Variants in VPS37A observed in about 807,000 individuals in gnomAD.
VPS37A encodes vacuolar protein sorting-associated protein 37A.
In VPS37A, 30 loss-of-function variants were observed where a neutral mutation model predicts 49.8. That is an observed-to-expected ratio of 0.60 (90% CI 0.45 to 0.82). VPS37A has a LOEUF of 0.82. Ranked by LOEUF, VPS37A falls within the 40% of genes least tolerant of loss-of-function variation. The pLI is 0.00. For synonymous variants in VPS37A, 195 were observed against 160.6 expected (o/e 1.21, Z -1.62); for missense variants, 593 against 464.4 (o/e 1.28, Z -2.55).
chr8:17,286,065 C>T (rs936725078), intron 10 of VPS37A, among the ~76,000 whole-genome samples: 1 of 152,106 alleles, frequency 6.6e-6, no homozygotes, highest in African/African-American at 2.4e-5. Context: ...GAGAAGGGAG[C>T]ATGAGAGGTT....
At chr8:17,254,247 G>A (rs1812230200) in intron 1 of VPS37A, among the ~76,000 whole-genome samples, 1 of 152,134 alleles carries the variant, frequency 6.6e-6, no homozygotes, top group South Asian at 2.1e-4. Flanking sequence ...CTTAGGTAGG[G>A]CAAGTTGATA....
chr8:17,266,133 C>T (rs902344788), intron 2 of VPS37A, 152 bp downstream of exon 2: 28 of 704,964 alleles, frequency 4.0e-5, no homozygotes, highest in African/African-American at 2.5e-4. Context: ...TAAAAATATT[C>T]GAAAGCTATC....
At chr8:17,268,765 G>A (rs889664172) in intron 3 of VPS37A, 91 bp from the exon 4 acceptor site, 3 of 867,130 alleles carry the variant, frequency 3.5e-6, no homozygotes, top group African/African-American at 1.7e-5. Context: ...ACCTGCAAAA[G>A]TAAGTTAATA....
chr8:17,303,034 C>CA (rs1817231918), downstream of VPS37A, among the ~76,000 whole-genome samples: 1 of 151,936 alleles, frequency 6.6e-6, no homozygotes, highest in African/African-American at 2.4e-5. Flanking sequence ...TTATCCTACA[C>CA]AAAAAAGCAA....
At chr8:17,290,330 C>T (rs968362228) in intron 11 of VPS37A, among the ~76,000 whole-genome samples, 1 of 152,126 alleles carries the variant, frequency 6.6e-6, no homozygotes, top group Non-Finnish European at 1.5e-5. Flanking sequence ...TCATAAATAG[C>T]TCTTATTATT....
In VPS37A at chr8:17,281,581, A is replaced by G. The variant is rs572655723; in HGVS notation, c.969+1138A>G. 5.3e-5 allele frequency among the ~76,000 whole-genome samples: 8 copies of G among 152,170 alleles called. 1 individual carries two copies. In the South Asian group the frequency reaches 1.7e-3, roughly 32 times the overall value. ...TTCTAGGATCCCATTAATGTTAGGA[A>G]TAAGAGAGTAATGCCTCATGATCAC... On this transcript the variant is annotated intron_variant, in intron 9 of 11. Coordinates refer to ENST00000324849, the MANE Select transcript of VPS37A (RefSeq NM_152415.3).
At chr8:17,323,903 A>G in the VPS37A span, among the ~76,000 whole-genome samples, 1 of 152,216 alleles carries the variant, frequency 6.6e-6, no homozygotes, top group Non-Finnish European at 1.5e-5. Context: ...ATCTTGGTTA[A>G]CAGAACAATA....
chr8:17,255,403 C>A (rs1029554093), intron 1 of VPS37A, among the ~76,000 whole-genome samples: 2 of 152,084 alleles, frequency 1.3e-5, no homozygotes, highest in African/African-American at 4.8e-5. Flanking sequence ...ATCACGTGAA[C>A]CTGGGAGGCA....
At chr8:17,298,296 C>T (rs1816870489), downstream of VPS37A, 1 of 152,016 alleles carries the variant, frequency 6.6e-6, no homozygotes, top group South Asian at 2.1e-4. Context: ...TTGGGAACTG[C>T]TCAGCAGAGA....
intron 11 of VPS37A, among the ~76,000 whole-genome samples, chr8:17,292,928 G>C (rs180720912): frequency 6.6e-6 from 1 of 152,008 alleles, no homozygotes; most frequent in Non-Finnish European, 1.5e-5. Context: ...TGACAATTAC[G>C]TCTTGGGTTT....
At chr8:17,305,691 C>T, downstream of VPS37A, 1 of 1,406,286 alleles carries the variant, frequency 7.1e-7, no homozygotes, top group Non-Finnish European at 9.8e-7. Flanking sequence ...TGAAAGGCCA[C>T]CTAAAATTCT....
chr8:17,306,546 C>T (rs1397413557), downstream of VPS37A, among the ~76,000 whole-genome samples: 4 of 152,196 alleles, frequency 2.6e-5, no homozygotes, highest in East Asian at 5.8e-4. Flanking sequence ...ACATCAGACT[C>T]GTCTTCCTCA....
At chr8:17,255,406 G>A (rs1812350738) in intron 1 of VPS37A, among the ~76,000 whole-genome samples, 1 of 152,166 alleles carries the variant, frequency 6.6e-6, no homozygotes, top group Non-Finnish European at 1.5e-5. Context: ...ACGTGAACCT[G>A]GGAGGCAGAG....
At chr8:17,304,627 C>A (rs981499574), downstream of VPS37A, 8 of 1,122,926 alleles carry the variant, frequency 7.1e-6, no homozygotes, top group African/African-American at 1.2e-4. Flanking sequence ...CTGAAAACCA[C>A]GTGTCTGTTC....
intron 9 of VPS37A, among the ~76,000 whole-genome samples, chr8:17,283,972 C>G (rs73208582): frequency 0.08 from 12,235 of 152,218 alleles, 670 homozygotes; most frequent in South Asian, 0.2. Context: ...GGGATGTCTT[C>G]CAGTAATTTA....
At chr8:17,267,352 T>C (rs1207371263) in intron 2 of VPS37A, among the ~76,000 whole-genome samples, 2 of 152,310 alleles carry the variant, frequency 1.3e-5, no homozygotes, top group South Asian at 4.1e-4. Context: ...AAGTAAAATA[T>C]TCTTGAGTTT....
rs755965691 is a variant in VPS37A at position 17,279,985 on chromosome 8, C to T, written c.714-43C>T. ...TAAATAGTTGTCATGGAGAAAAACT[C>T]GATGTCTGATATTTATTGACATTTT... On this transcript the variant is annotated intron_variant, in intron 6 of 11. Transcript: ENST00000324849. 3.1e-6 allele frequency: 5 copies of T among 1,606,504 alleles called. No homozygotes were observed. The South Asian group carries it at 3.3e-5, about 11-fold the overall frequency.
chr8:17,280,282 A>C lies in VPS37A; in HGVS notation c.885A>C (p.Gln295His), dbSNP rs765084072. The C allele has an allele frequency of 1.5e-5, 24 of 1,612,572 alleles. No individual in the cohort carries two copies. Among genetic ancestry groups the C allele is most frequent in the Non-Finnish European group, 3.4e-6 (4 of 1,179,310 alleles). The change falls in exon 8 of 12, where the codon CAA becomes CAC. Residue 295 changes from glutamine to histidine, a missense_variant. Coordinates refer to ENST00000324849, the MANE Select transcript of VPS37A (RefSeq NM_152415.3). The part of the protein sequence containing the change: ...LLEPSLEAKR[Q>H]TVLDKYELLT... Reference sequence around the variant, plus strand: ...AGCCCAGCTTGGAAGCCAAAAGACAAACTGTTTTAGATAAGGTGAGTTAGT... The same window carrying C: ...AGCCCAGCTTGGAAGCCAAAAGACACACTGTTTTAGATAAGGTGAGTTAGT...
At chr8:17,313,819 T>C in the VPS37A span, among the ~76,000 whole-genome samples, 151,613 of 152,314 alleles carry the variant, frequency 1, 75,462 homozygotes, top group Middle Eastern at 1. Flanking sequence ...TAGAAGTTTC[T>C]GTCACCCAAC....
Sources: gnomAD v4.1 joint callset for allele counts (sites outside exome capture counted in the v4.1 genomes callset) on GRCh38, gnomAD v4.1.1 for gene constraint, MANE v1.5 for transcripts, NCBI Gene and HGNC (gene_info 2026-07-23, HGNC 2026-07-21) for gene names.